The following TRIM36 variants were observed in gnomAD, a reference collection of about 807,000 sequenced individuals.
TRIM36 encodes the protein E3 ubiquitin-protein ligase TRIM36.
Under a neutral mutation model 72.4 loss-of-function variants are expected in TRIM36, and 42 were observed. That is an observed-to-expected ratio of 0.58 (90% CI 0.45 to 0.75). The LOEUF (loss-of-function observed/expected upper bound fraction) is 0.75, where lower values mean the gene tolerates loss of function less well. TRIM36 is among the 30% of genes least tolerant of loss of function. TRIM36 has a pLI of 0.00. For synonymous variants in TRIM36, 315 were observed against 282.8 expected (o/e 1.11, Z -1.14); for missense variants, 913 against 857.1 (o/e 1.07, Z -0.81).
chr5:115,162,823 TC>T (rs954481929), intron 2 of TRIM36, among the ~76,000 whole-genome samples: 22 of 152,268 alleles, frequency 1.4e-4, no homozygotes, highest in African/African-American at 5.3e-4. Context: ...CATTAGGTAG[TC>T]CCACTCCTTA....
chr5:115,148,467 T>G (rs1753713585), intron 2 of TRIM36: 1 of 582,454 alleles, frequency 1.7e-6, no homozygotes, highest in South Asian at 7.7e-5. Context: ...TCACCTAGGC[T>G]GGAGTGTGAT....
In TRIM36 at chr5:115,147,377, A is replaced by C; in HGVS notation, c.280T>G (p.Leu94Val). The part of the protein sequence containing the change: ...INRPGWKRNS[L>V]TPRTTVFPCP... ...GGGAAAACAGTTGTCCTCGGGGTCA[A>C]TGAATTGCGCTTCCAGCCTGTGTAA... The change falls in exon 3 of 10, where the codon TTG (leucine) becomes GTG (valine). Residue 94 changes from leucine to valine, a missense_variant. Coordinates refer to ENST00000513154, the MANE Select transcript of TRIM36 (RefSeq NM_001300759.2). 6.2e-7 allele frequency: 1 copy of C among 1,612,272 alleles called. No individual in the cohort carries two copies. The highest frequency in any genetic ancestry group is 8.5e-7 in the Non-Finnish European group (1 of 1,178,252).
intron 1 of TRIM36, among the ~76,000 whole-genome samples, chr5:115,168,442 T>TACA (rs1397523597): frequency 1.3e-5 from 2 of 152,220 alleles, no homozygotes; most frequent in African/African-American, 4.8e-5. Flanking sequence ...TATAACCTTG[T>TACA]ACAATCATTT....
At chr5:115,177,407 C>T in intron 1 of TRIM36, 4 of 558,978 alleles carry the variant, frequency 7.2e-6, no homozygotes, top group Non-Finnish European at 9.4e-6. Flanking sequence ...GAGGGCAGGC[C>T]AACTACAGGC....
At chr5:115,134,204 G>T in intron 7 of TRIM36, 57 bp from the exon 8 acceptor site, 1 of 1,443,302 alleles carries the variant, frequency 6.9e-7, no homozygotes, top group African/African-American at 1.4e-5. Flanking sequence ...GAAAACCAGT[G>T]TTTTTCCTCA....
upstream of TRIM36, chr5:115,170,001 C>A: frequency 3.6e-6 from 4 of 1,096,162 alleles, no homozygotes; most frequent in Non-Finnish European, 4.4e-6. Flanking sequence ...CAGCGCCAGT[C>A]GCACAAAAGA....
chr5:115,126,742 T>C lies in TRIM36; in HGVS notation c.1912A>G (p.Thr638Ala). The C allele has an allele frequency of 6.2e-7, 1 of 1,614,160 alleles. No individual in the cohort carries two copies. The change falls in exon 10 of 10, where the codon ACT becomes GCT. Residue 638 changes from threonine to alanine, a missense_variant. Transcript: ENST00000513154. ...MQKFFIPKSP[T>A]SSNEPENRVL... ...CTATTTTCAGGTTCATTAGAAGAAG[T>C]AGGTGACTTGGGTATAAAAAATTTC... is the stretch of plus-strand genomic sequence containing the variant.
intron 6 of TRIM36, 52 bp downstream of exon 6, chr5:115,137,311 C>G (rs1753015227): frequency 3.2e-6 from 5 of 1,556,164 alleles, no homozygotes; most frequent in Non-Finnish European, 4.3e-6. Flanking sequence ...TACACAGCAG[C>G]ATTTAATAAC....
chr5:115,130,119 C>A (rs1411995353), intron 9 of TRIM36, among the ~76,000 whole-genome samples: 1 of 152,128 alleles, frequency 6.6e-6, no homozygotes, highest in Non-Finnish European at 1.5e-5. Flanking sequence ...CTGAACTGTA[C>A]AATCTTCATT....
chr5:115,126,793 A>T lies in TRIM36; in HGVS notation c.1861T>A (p.Phe621Ile). ...EDACFDSSQP[F>I]TLVTIGMQKF... The stretch of plus-strand genomic sequence containing the variant: ...TGCATGCCTATAGTAACTAAGGTAA[A>T]TGGTTGTGAAGAATCAAAACAGGCA... The change falls in exon 10 of 10, where the codon TTT becomes ATT. Residue 621 changes from phenylalanine (F) to isoleucine (I), a missense_variant. Phe to Ile is a conservative substitution (Grantham distance 21). Coordinates refer to ENST00000513154, the MANE Select transcript of TRIM36 (RefSeq NM_001300759.2). The T allele has an allele frequency of 1.2e-6, 2 of 1,614,154 alleles. No individual in the cohort carries two copies. Among genetic ancestry groups the T allele is most frequent in the Non-Finnish European group, 1.7e-6 (2 of 1,180,018 alleles).
chr5:115,173,488 A>T, upstream of TRIM36, among the ~76,000 whole-genome samples: 1 of 149,668 alleles, frequency 6.7e-6, no homozygotes, highest in African/African-American at 2.5e-5. Context: ...TTGGAACATA[A>T]GGGGGTGGGG....
intron 2 of TRIM36, among the ~76,000 whole-genome samples, chr5:115,151,711 G>A (rs569099038): frequency 1.3e-5 from 2 of 152,342 alleles, no homozygotes; most frequent in South Asian, 4.1e-4. Context: ...TCACAGGACT[G>A]TGGGCAGACA....
intron 2 of TRIM36, 37 bp downstream of exon 2, chr5:115,163,481 C>T (rs766992306): frequency 6.4e-7 from 1 of 1,559,018 alleles, no homozygotes; most frequent in Non-Finnish European, 8.8e-7. Context: ...ATAAGCTTAC[C>T]CCCACTACCA....
intron 2 of TRIM36, among the ~76,000 whole-genome samples, chr5:115,151,250 T>C (rs190075762): frequency 1.3e-5 from 2 of 152,292 alleles, no homozygotes; most frequent in Admixed American, 6.5e-5. Flanking sequence ...GGCCTGTGAC[T>C]GCCGGCTTTC....
intron 3 of TRIM36, among the ~76,000 whole-genome samples, chr5:115,146,762 C>T (rs956632514): frequency 1.3e-5 from 2 of 152,186 alleles, no homozygotes; most frequent in Admixed American, 6.5e-5. Context: ...CCATTTCAAT[C>T]TTAAAGAGTA....
rs752505264 is a variant in TRIM36, at chr5:115,163,789, T to G, written c.28-37A>C. The G allele has an allele frequency of 2.0e-6, 3 of 1,504,536 alleles. No homozygotes were observed. The South Asian group carries it at 3.4e-5, about 17-fold the overall frequency. 93.2% of individuals were successfully genotyped at this position (1,504,536 alleles called of 1,614,324 possible). A position where few individuals can be genotyped will look rare whatever the true frequency, so the allele number is the denominator to read the frequency against. On this transcript the variant is annotated intron_variant, in intron 1 of 9. Coordinates refer to ENST00000513154, the MANE Select transcript of TRIM36 (RefSeq NM_001300759.2). ...AATAGTCCAAGTTAAAGGCTCTTAG[T>G]GGGTAAATATATTAACATTCTTATA...
Position 115,130,688 on chromosome 5 carries a change from C to G in TRIM36, c.1700G>C (p.Arg567Pro). ...TACCAGGTATGAATATGGTTCCACA[C>G]GGAAGGCCCAGAAGTGTTTTCCTTT... is the stretch of plus-strand genomic sequence containing the variant. ...ITKGKHFWAF[R>P]VEPYSYLVKV... The change falls in exon 9 of 10, where the codon CGT becomes CCT. Residue 567 changes from arginine (R) to proline (P), a missense_variant. Arg to Pro is a moderately radical substitution (Grantham distance 103). Coordinates refer to ENST00000513154, the MANE Select transcript of TRIM36 (RefSeq NM_001300759.2). 1 of 1,614,170 alleles carries G rather than the reference C, an allele frequency of 6.2e-7. No individual in the cohort carries two copies. Among genetic ancestry groups the G allele is most frequent in the Non-Finnish European group, 8.5e-7 (1 of 1,180,028 alleles).
At chr5:115,170,253 G>A (rs1755038361), upstream of TRIM36, among the ~76,000 whole-genome samples, 1 of 152,188 alleles carries the variant, frequency 6.6e-6, no homozygotes. Context: ...GCGGCGCCGG[G>A]GCGGGGAGGC....
At chr5:115,150,929 G>A (rs187882728) in intron 2 of TRIM36, among the ~76,000 whole-genome samples, 1 of 152,278 alleles carries the variant, frequency 6.6e-6, no homozygotes, top group Non-Finnish European at 1.5e-5. Context: ...GCCTCACAGG[G>A]GTCCTTCCGG....
Sources: gnomAD v4.1 joint callset for allele counts (sites outside exome capture counted in the v4.1 genomes callset) on GRCh38, gnomAD v4.1.1 for gene constraint, MANE v1.5 for transcripts, NCBI Gene and HGNC (gene_info 2026-07-23, HGNC 2026-07-21) for gene names.